Variants in UBE2E1 observed in about 807,000 individuals in gnomAD.
UBE2E1 encodes the protein ubiquitin-conjugating enzyme E2 E1.
In UBE2E1, 6 loss-of-function variants were observed where a neutral mutation model predicts 21.4. That is an observed-to-expected ratio of 0.28 (90% CI 0.15 to 0.55). UBE2E1 has a LOEUF of 0.55. Among genes scored for constraint, UBE2E1 ranks in the 20% least tolerant of loss-of-function variants. The probability of loss-of-function intolerance (pLI) is 0.93; values close to 1 mark genes in which losing one functional copy is unlikely to be tolerated. For synonymous variants in UBE2E1, 87 were observed against 82.7 expected (o/e 1.05, Z -0.28); for missense variants, 142 against 236.5 (o/e 0.60, Z 2.62).
At chr3:23,864,086 T>A (rs1400473897) in intron 3 of UBE2E1, among the ~76,000 whole-genome samples, 4 of 152,194 alleles carry the variant, frequency 2.6e-5, no homozygotes, top group Non-Finnish European at 5.9e-5. Context: ...TTTAGAGACC[T>A]CAAGTATCTG....
At chr3:23,825,207 G>A (rs1699729508) in intron 3 of UBE2E1, among the ~76,000 whole-genome samples, 1 of 152,142 alleles carries the variant, frequency 6.6e-6, no homozygotes, top group Non-Finnish European at 1.5e-5. Flanking sequence ...CAGGTGGGGT[G>A]GGCAGGGCAG....
rs141408490 is a variant in UBE2E1, at chr3:23,808,850, C to G, written c.152+1429C>G. On this transcript the variant is annotated intron_variant, in intron 2 of 5. Coordinates refer to ENST00000306627, the MANE Select transcript of UBE2E1 (RefSeq NM_003341.5). The surrounding 1 kb of genome is among the most constrained non-coding windows in gnomAD (Gnocchi z 4.9). ...TCAATCCTCTAGGCTCTCTGATCCT[C>G]ATTCACGTTTTGGCCTCACGTGCTC... The G allele has an allele frequency of 2.1e-4, 32 of 152,332 alleles. No individual in the cohort carries two copies. Among genetic ancestry groups the G allele is most frequent in the African/African-American group, 7.5e-4 (31 of 41,572 alleles). 9.4% of individuals were successfully genotyped at this position (152,332 alleles called of 1,614,324 possible).
intron 3 of UBE2E1, among the ~76,000 whole-genome samples, chr3:23,860,610 C>G (rs1322375397): frequency 6.6e-6 from 1 of 152,174 alleles, no homozygotes; most frequent in Non-Finnish European, 1.5e-5. Context: ...CTCTTAACAA[C>G]AAGCACAACC....
rs996179453 is a variant in UBE2E1, at chr3:23,863,217, A to G, written c.204-24350A>G. Among the ~76,000 whole-genome samples, 1 of 152,178 alleles carries G rather than the reference A, an allele frequency of 6.6e-6. No individual in the cohort carries two copies. The highest frequency in any genetic ancestry group is 1.5e-5 in the Non-Finnish European group (1 of 68,028). Reference sequence around the variant, plus strand: ...AATAACTCTTGATTCATGACAATGGATGATGACAACTTAGTTCTTTCCTAC... The same window carrying G: ...AATAACTCTTGATTCATGACAATGGGTGATGACAACTTAGTTCTTTCCTAC... On this transcript the variant is annotated intron_variant, in intron 3 of 5. Coordinates refer to ENST00000306627, the MANE Select transcript of UBE2E1 (RefSeq NM_003341.5). The surrounding 1 kb of genome is among the most constrained non-coding windows in gnomAD (Gnocchi z 4.3).
At chr3:23,838,086 G>T (rs1700007735) in intron 3 of UBE2E1, among the ~76,000 whole-genome samples, 1 of 150,104 alleles carries the variant, frequency 6.7e-6, no homozygotes, top group African/African-American at 2.5e-5. Flanking sequence ...ATTTTTTTTT[G>T]AGACAAGGTC....
chr3:23,864,951 G>T (rs1700623327), intron 3 of UBE2E1, among the ~76,000 whole-genome samples: 1 of 152,206 alleles, frequency 6.6e-6, no homozygotes, highest in Non-Finnish European at 1.5e-5. Flanking sequence ...ATGACCACTG[G>T]TGCAGAGACC....
intron 2 of UBE2E1, among the ~76,000 whole-genome samples, chr3:23,809,444 C>T (rs1699341136): frequency 6.6e-6 from 1 of 152,196 alleles, no homozygotes; most frequent in Non-Finnish European, 1.5e-5. Context: ...GACTAACAGG[C>T]TGCTAACTGC....
At chr3:23,811,946 A>G (rs910060131) in intron 3 of UBE2E1, among the ~76,000 whole-genome samples, 2 of 152,228 alleles carry the variant, frequency 1.3e-5, no homozygotes, top group African/African-American at 4.8e-5. Flanking sequence ...AACTTACTCC[A>G]TAGCATATAG....
chr3:23,815,184 A>G (rs777484060), intron 3 of UBE2E1, among the ~76,000 whole-genome samples: 1 of 152,070 alleles, frequency 6.6e-6, no homozygotes, highest in Non-Finnish European at 1.5e-5. Flanking sequence ...GGTTTTACCT[A>G]TTGGCCAGGC....
intron 3 of UBE2E1, among the ~76,000 whole-genome samples, chr3:23,817,982 C>G (rs1699564301): frequency 6.6e-6 from 1 of 152,060 alleles, no homozygotes; most frequent in Admixed American, 6.6e-5. Context: ...TTGGTAGGAA[C>G]CAGGAGACTT....
intron 3 of UBE2E1, among the ~76,000 whole-genome samples, chr3:23,883,155 T>C (rs1701094878): frequency 6.6e-6 from 1 of 152,238 alleles, no homozygotes; most frequent in South Asian, 2.1e-4. Context: ...CATACTCTAA[T>C]CATTTGGATT....
intron 3 of UBE2E1, among the ~76,000 whole-genome samples, chr3:23,881,798 G>T (rs1020381688): frequency 2.0e-5 from 3 of 152,162 alleles, no homozygotes; most frequent in African/African-American, 7.2e-5. Flanking sequence ...TGGTGTATCC[G>T]GAGTTTGTTC....
At chr3:23,813,152 G>A (rs4858090) in intron 3 of UBE2E1, among the ~76,000 whole-genome samples, 39,210 of 152,086 alleles carry the variant, frequency 0.26, 5,163 homozygotes, top group South Asian at 0.31. Flanking sequence ...ATTACCTGTG[G>A]TCAGGGGATG....
intron 3 of UBE2E1, among the ~76,000 whole-genome samples, chr3:23,857,985 C>A (rs1006045451): frequency 1.3e-5 from 2 of 151,950 alleles, no homozygotes; most frequent in Non-Finnish European, 2.9e-5. Context: ...CCGTGCCTGG[C>A]TAATTTTTGT....
chr3:23,846,194 T>G (rs921623268), intron 3 of UBE2E1, among the ~76,000 whole-genome samples: 4 of 152,262 alleles, frequency 2.6e-5, no homozygotes, highest in Non-Finnish European at 5.9e-5. Flanking sequence ...AATAAATGTC[T>G]TACATAAATC....
At chr3:23,831,866 T>C (rs1483688698) in intron 3 of UBE2E1, among the ~76,000 whole-genome samples, 1 of 152,062 alleles carries the variant, frequency 6.6e-6, no homozygotes, top group Non-Finnish European at 1.5e-5. Context: ...TGGATAATTT[T>C]TGTATTTTTT....
At chr3:23,852,418 C>T (rs996155957) in intron 3 of UBE2E1, among the ~76,000 whole-genome samples, 1 of 152,056 alleles carries the variant, frequency 6.6e-6, no homozygotes, top group Non-Finnish European at 1.5e-5. Context: ...TGATTACTCA[C>T]GGGTAGTATA....
intron 3 of UBE2E1, among the ~76,000 whole-genome samples, chr3:23,833,649 T>C (rs1699914602): frequency 6.6e-6 from 1 of 152,210 alleles, no homozygotes; most frequent in South Asian, 2.1e-4. Context: ...CAAATGTTGT[T>C]GTCTATGTAA....
At chr3:23,837,805 C>T (rs2125298232) in intron 3 of UBE2E1, among the ~76,000 whole-genome samples, 1 of 152,220 alleles carries the variant, frequency 6.6e-6, no homozygotes, top group Admixed American at 6.5e-5. Context: ...GAACTTTTGG[C>T]ATGTGGAAAA....
Sources: gnomAD v4.1 joint callset for allele counts (sites outside exome capture counted in the v4.1 genomes callset) on GRCh38, gnomAD v4.1.1 for gene constraint, Gnocchi (gnomAD v3.1) non-coding constraint, MANE v1.5 for transcripts, NCBI Gene and HGNC (gene_info 2026-07-23, HGNC 2026-07-21) for gene names.